Variants in GALNT10 observed in about 807,000 individuals in gnomAD.
The protein encoded by GALNT10 is GalNAc transferase 10.
A neutral mutation model predicts 75.0 loss-of-function variants in GALNT10; 41 were observed. The ratio of observed to expected loss-of-function variants is 0.55; its 90% CI spans 0.43 to 0.71. The LOEUF (loss-of-function observed/expected upper bound fraction) is 0.71. Ranked by LOEUF, GALNT10 falls within the 30% of genes least tolerant of loss-of-function variation. The pLI, the probability that GALNT10 is intolerant of heterozygous loss-of-function variation, is 0.00. For synonymous variants in GALNT10, 302 were observed against 313.0 expected (o/e 0.96, Z 0.37); for missense variants, 727 against 818.5 (o/e 0.89, Z 1.36).
intron 5 of GALNT10, among the ~76,000 whole-genome samples, chr5:154,377,223 C>T (rs969149281): frequency 3.3e-5 from 5 of 152,050 alleles, no homozygotes; most frequent in Non-Finnish European, 7.4e-5. Flanking sequence ...TTGAGGAGTT[C>T]GGTTTTGATG....
At chr5:154,297,869 AT>A in intron 2 of GALNT10, 71 bp from the exon 3 acceptor site, 2 of 1,337,062 alleles carry the variant, frequency 1.5e-6, no homozygotes, top group South Asian at 2.6e-5. Flanking sequence ...CATATTTTTC[AT>A]CCTTTTTCCC....
intron 1 of GALNT10, among the ~76,000 whole-genome samples, chr5:154,263,110 C>T (rs575740): frequency 0.65 from 99,430 of 151,932 alleles, 32,891 homozygotes; most frequent in East Asian, 0.86. Flanking sequence ...AGGTTAAACA[C>T]ACAGTGACCA....
chr5:154,380,532 C>T lies in GALNT10; in HGVS notation c.839C>T (p.Ala280Val). ...GACGACTTTCGGTACGAGACACAGG[C>T]AGGGGATGCCATGCGGGGAGCCTTT... ...DHDDFRYETQ[A>V]GDAMRGAFDW... Residue 280 changes from alanine (A) to valine (V), a missense_variant, in exon 6 of 12, where the codon GCA (alanine) becomes GTA (valine). Physicochemically the swap from Ala to Val is moderately conservative, Grantham distance 64. Coordinates refer to ENST00000297107, the MANE Select transcript of GALNT10 (RefSeq NM_198321.4). 1 of 1,613,670 alleles carries T rather than the reference C, an allele frequency of 6.2e-7. No individual in the cohort carries two copies. Among genetic ancestry groups the T allele is most frequent in the Non-Finnish European group, 8.5e-7 (1 of 1,179,602 alleles).
intron 7 of GALNT10, chr5:154,392,948 T>G (rs559849331): frequency 6.8e-6 from 1 of 147,584 alleles, no homozygotes; most frequent in South Asian, 2.1e-4. Flanking sequence ...AAGTGTTACT[T>G]ACCATAGCAG....
chr5:154,219,124 C>G (rs1028794281), intron 1 of GALNT10, among the ~76,000 whole-genome samples: 4 of 152,204 alleles, frequency 2.6e-5, no homozygotes, highest in African/African-American at 9.7e-5. Context: ...GTCCCCTGCT[C>G]TCCCACCTGC....
chr5:154,201,994 T>C (rs1561626813), intron 1 of GALNT10, among the ~76,000 whole-genome samples: 1 of 152,056 alleles, frequency 6.6e-6, no homozygotes, highest in Non-Finnish European at 1.5e-5. Flanking sequence ...CTGCCTGTGC[T>C]TCCTGGCATG....
chr5:154,387,202 G>A (rs541618059), intron 7 of GALNT10: 1 of 152,206 alleles, frequency 6.6e-6, no homozygotes, highest in Non-Finnish European at 1.5e-5. Context: ...TCTGACAGTA[G>A]TGGTAAAGGA....
At chr5:154,343,119 G>A (rs1755060014) in intron 4 of GALNT10, among the ~76,000 whole-genome samples, 1 of 151,780 alleles carries the variant, frequency 6.6e-6, no homozygotes, top group African/African-American at 2.4e-5. Context: ...GGCCCTGTGA[G>A]TGTCCAGGTC....
intron 1 of GALNT10, among the ~76,000 whole-genome samples, chr5:154,235,425 T>C (rs771672925): frequency 6.6e-6 from 1 of 152,124 alleles, no homozygotes; most frequent in Non-Finnish European, 1.5e-5. Flanking sequence ...AGTCTTTCCT[T>C]ACCACCTGGA....
intron 4 of GALNT10, among the ~76,000 whole-genome samples, chr5:154,335,480 G>C (rs77230850): frequency 1.4e-4 from 21 of 152,306 alleles, no homozygotes; most frequent in African/African-American, 4.8e-4. Flanking sequence ...ACTCCCTGGG[G>C]TTAGGGAAGG....
chr5:154,278,982 A>G (rs1360775854), intron 1 of GALNT10, among the ~76,000 whole-genome samples: 1 of 152,178 alleles, frequency 6.6e-6, no homozygotes, highest in Non-Finnish European at 1.5e-5. Flanking sequence ...CCTTTTGCCT[A>G]TTGTGGTAAT....
At chr5:154,199,464 G>A (rs1466949715) in intron 1 of GALNT10, among the ~76,000 whole-genome samples, 4 of 152,152 alleles carry the variant, frequency 2.6e-5, no homozygotes, top group African/African-American at 9.7e-5. Flanking sequence ...GGGGAGCTCT[G>A]TGGTACTTTT....
chr5:154,336,364 C>A (rs985837036), intron 4 of GALNT10, among the ~76,000 whole-genome samples: 4 of 152,132 alleles, frequency 2.6e-5, no homozygotes, highest in Admixed American at 6.5e-5. Flanking sequence ...AGTGTGATTG[C>A]TGGATCATTT....
intron 4 of GALNT10, among the ~76,000 whole-genome samples, chr5:154,363,492 G>GAAAAAA (rs57710576): frequency 1.1e-4 from 4 of 37,530 alleles, no homozygotes; most frequent in Non-Finnish European, 1.6e-4. Context: ...GCGTTTATCT[G>GAAAAAA]AAAAAAAAAA....
intron 1 of GALNT10, among the ~76,000 whole-genome samples, chr5:154,255,484 A>T (rs187013680): frequency 1.3e-5 from 2 of 152,250 alleles, no homozygotes; most frequent in Admixed American, 6.5e-5. Context: ...AACTTTTTAT[A>T]GGTTAAAAAA....
intron 1 of GALNT10, among the ~76,000 whole-genome samples, chr5:154,244,097 C>T (rs1478597356): frequency 6.6e-6 from 1 of 152,316 alleles, no homozygotes; most frequent in Non-Finnish European, 1.5e-5. Context: ...GTTTTCATTG[C>T]CATGTTCCGC....
rs997270085 is a variant in GALNT10 at position 154,412,249 on chromosome 5, G to A, written c.1387-640G>A. Among the ~76,000 whole-genome samples, 9 of 152,216 alleles carry A rather than the reference G, an allele frequency of 5.9e-5. No individual in the cohort carries two copies. The highest frequency in any genetic ancestry group is 1.3e-4 in the Admixed American group (2 of 15,284). ...CGCTATGCACCTAGCACAATGGCCT[G>A]CCCACAGTAAGTGCCCAATCGGTAT... On this transcript the variant is annotated intron_variant, in intron 9 of 11. Coordinates refer to ENST00000297107, the MANE Select transcript of GALNT10 (RefSeq NM_198321.4). This position sits in a 1 kb window ranked among gnomAD's most constrained non-coding sequence, Gnocchi z 4.2.
chr5:154,282,414 C>G (rs1240634502), intron 1 of GALNT10, among the ~76,000 whole-genome samples: 1 of 152,200 alleles, frequency 6.6e-6, no homozygotes, highest in African/African-American at 2.4e-5. Context: ...CAAGCCACAT[C>G]TAGCTACAAG....
intron 4 of GALNT10, among the ~76,000 whole-genome samples, chr5:154,358,036 G>A (rs1237490783): frequency 1.3e-5 from 2 of 152,166 alleles, no homozygotes; most frequent in African/African-American, 4.8e-5. Flanking sequence ...ATTAATTGCT[G>A]AATATTACAC....
Sources: allele counts gnomAD v4.1 joint callset (sites outside exome capture counted in the v4.1 genomes callset), GRCh38; gene constraint gnomAD v4.1.1; non-coding constraint Gnocchi (gnomAD v3.1); transcripts MANE v1.5; gene names NCBI Gene and HGNC (gene_info 2026-07-23, HGNC 2026-07-21).